UBL3: variants seen among roughly 807,000 people sequenced by gnomAD.
The protein encoded by UBL3 is ubiquitin like 3, also known as ubiquitin-like protein 3.
Under a neutral mutation model 18.4 loss-of-function variants are expected in UBL3, and 6 were observed. The observed-to-expected ratio is 0.33, with a 90% CI of 0.18 to 0.64. The LOEUF (loss-of-function observed/expected upper bound fraction) is 0.64. UBL3 is among the 30% of genes least tolerant of loss of function. The pLI is 0.76. For synonymous variants in UBL3, 49 were observed against 46.6 expected, an observed-to-expected ratio of 1.05 and a Z score of -0.21; for missense variants, 109 against 142.9, an observed-to-expected ratio of 0.76 and a Z score of 1.21.
chr13:29,800,641 T>A (rs1209506347), intron 1 of UBL3, among the ~76,000 whole-genome samples: 1 of 152,154 alleles, frequency 6.6e-6, no homozygotes, highest in Non-Finnish European at 1.5e-5. Flanking sequence ...GCAGACTAAC[T>A]TGAAAGAATA....
chr13:29,821,039 T>C (rs1055956373), intron 1 of UBL3, among the ~76,000 whole-genome samples: 6 of 152,178 alleles, frequency 3.9e-5, no homozygotes, highest in Non-Finnish European at 7.4e-5. Context: ...AAAATGGGGA[T>C]AATAATAATA....
chr13:29,779,734 G>A (rs1877097443), intron 1 of UBL3, among the ~76,000 whole-genome samples: 1 of 152,192 alleles, frequency 6.6e-6, no homozygotes, highest in Non-Finnish European at 1.5e-5. Flanking sequence ...GTGAGAGAAA[G>A]CAGCCAGGTA....
chr13:29,788,297 A>G (rs1204285540), intron 1 of UBL3, among the ~76,000 whole-genome samples: 2 of 152,086 alleles, frequency 1.3e-5, no homozygotes, highest in Admixed American at 6.6e-5. Context: ...CCTCTCTCCT[A>G]CTTATTCTAT....
chr13:29,776,267 T>C (rs1207746435), intron 2 of UBL3, among the ~76,000 whole-genome samples: 47 of 143,636 alleles, frequency 3.3e-4, no homozygotes, highest in African/African-American at 7.4e-4. Context: ...CTTTCTTTTT[T>C]TTTTTTTTTT....
intron 3 of UBL3, among the ~76,000 whole-genome samples, chr13:29,768,509 G>T (rs1003590864): frequency 2.6e-5 from 4 of 152,050 alleles, no homozygotes; most frequent in African/African-American, 7.2e-5. Context: ...ACAAACTGAA[G>T]TAAGGCCTAA....
chr13:29,835,151 T>TATATAA (rs1878920441), intron 1 of UBL3, among the ~76,000 whole-genome samples: 8 of 25,216 alleles, frequency 3.2e-4, no homozygotes, highest in South Asian at 1.4e-3. Flanking sequence ...TATATATATA[T>TATATAA]ATATATATAT....
chr13:29,827,785 T>C (rs1361749185), intron 1 of UBL3, among the ~76,000 whole-genome samples: 1 of 152,228 alleles, frequency 6.6e-6, no homozygotes, highest in African/African-American at 2.4e-5. Flanking sequence ...TGATGGTCTT[T>C]ACTATTTGGC....
intron 1 of UBL3, among the ~76,000 whole-genome samples, chr13:29,787,288 C>A (rs1877346223): frequency 6.6e-6 from 1 of 151,990 alleles, no homozygotes; most frequent in East Asian, 1.9e-4. Flanking sequence ...GCACGTAAGT[C>A]CCTAATAGTT....
intron 1 of UBL3, among the ~76,000 whole-genome samples, chr13:29,809,170 A>C (rs1195775856): frequency 1.3e-5 from 2 of 152,126 alleles, no homozygotes; most frequent in African/African-American, 4.8e-5. Context: ...AACAAACAAA[A>C]GACAACTTGT....
chr13:29,772,241 T>A (rs1184300960), intron 2 of UBL3, 43 bp from the exon 3 acceptor site: 3 of 1,508,918 alleles, frequency 2.0e-6, no homozygotes, highest in Non-Finnish European at 2.7e-6. Context: ...TTCCAACATA[T>A]AATTAAGGTA....
At chr13:29,798,887 C>T (rs1877684881) in intron 1 of UBL3, among the ~76,000 whole-genome samples, 1 of 152,124 alleles carries the variant, frequency 6.6e-6, no homozygotes, top group African/African-American at 2.4e-5. Flanking sequence ...TGCCTGCTTA[C>T]CACGGTCTCA....
chr13:29,775,006 T>A (rs1876942861), intron 2 of UBL3, among the ~76,000 whole-genome samples: 1 of 152,166 alleles, frequency 6.6e-6, no homozygotes, highest in African/African-American at 2.4e-5. Context: ...ATTCTACCTA[T>A]GAGAAAACTG....
At chr13:29,831,045 T>A (rs976166022) in intron 1 of UBL3, among the ~76,000 whole-genome samples, 4 of 152,110 alleles carry the variant, frequency 2.6e-5, no homozygotes, top group Admixed American at 6.5e-5. Context: ...TCTTTTTTCC[T>A]ATAACTCTGT....
intron 1 of UBL3, among the ~76,000 whole-genome samples, chr13:29,798,033 T>A (rs996900417): frequency 2.0e-5 from 3 of 151,896 alleles, no homozygotes; most frequent in African/African-American, 4.8e-5. Flanking sequence ...AATATATATT[T>A]TTTTTTTGGA....
intron 1 of UBL3, among the ~76,000 whole-genome samples, chr13:29,811,604 C>T (rs1281659632): frequency 6.6e-6 from 1 of 152,086 alleles, no homozygotes; most frequent in East Asian, 1.9e-4. Context: ...TCACCAGTTG[C>T]TCTTCTTGTC....
chr13:29,816,524 C>A (rs560276500), intron 1 of UBL3, among the ~76,000 whole-genome samples: 14 of 151,220 alleles, frequency 9.3e-5, no homozygotes, highest in Non-Finnish European at 2.1e-4. Flanking sequence ...TTTGGGAGGA[C>A]AAGGTAGGAG....
chr13:29,780,408 A>G (rs200598313), intron 1 of UBL3, among the ~76,000 whole-genome samples: 1,300 of 112,886 alleles, frequency 0.012, 14 homozygotes, highest in Admixed American at 0.036. Context: ...GTGTGTGTGT[A>G]TATATATATA....
intron 1 of UBL3, among the ~76,000 whole-genome samples, chr13:29,786,483 A>G (rs1259597301): frequency 1.3e-5 from 2 of 152,170 alleles, no homozygotes; most frequent in African/African-American, 4.8e-5. Context: ...ATAATGACCC[A>G]TTTTTTGAAA....
intron 1 of UBL3, among the ~76,000 whole-genome samples, chr13:29,781,934 C>T (rs1460666615): frequency 2.0e-5 from 3 of 149,492 alleles, no homozygotes; most frequent in Middle Eastern, 3.6e-3. Flanking sequence ...GAGTTCGAGG[C>T]TGTGGGGATA....
Sources: allele counts gnomAD v4.1 joint callset (sites outside exome capture counted in the v4.1 genomes callset), GRCh38; gene constraint gnomAD v4.1.1; transcripts MANE v1.5; gene names NCBI Gene and HGNC (gene_info 2026-07-23, HGNC 2026-07-21).